Variants in LAMA2 observed in about 807,000 individuals in gnomAD.
LAMA2 encodes the protein laminin subunit alpha 2.
A neutral mutation model predicts 364.8 loss-of-function variants in LAMA2; 269 were observed. The observed-to-expected ratio is 0.74, with a 90% CI of 0.67 to 0.82. The LOEUF is 0.82. Among genes scored for constraint, LAMA2 ranks in the 40% least tolerant of loss-of-function variants. The pLI, the probability that LAMA2 is intolerant of heterozygous loss-of-function variation, is 0.00. For missense variants in LAMA2, 3,807 were observed against 3,873.2 expected, an observed-to-expected ratio of 0.98 and a Z score of 0.45; for synonymous variants, 1,379 against 1,370.6, an observed-to-expected ratio of 1.01 and a Z score of -0.14.
At chr6:129,127,174 A>G (rs898617084) in intron 4 of LAMA2, among the ~76,000 whole-genome samples, 4 of 152,208 alleles carry the variant, frequency 2.6e-5, no homozygotes, top group Non-Finnish European at 5.9e-5. Context: ...CTGTGCACTA[A>G]AAGTAAAAAA....
intron 48 of LAMA2, among the ~76,000 whole-genome samples, chr6:129,459,627 C>A (rs947292250): frequency 6.6e-6 from 1 of 152,026 alleles, no homozygotes; most frequent in Non-Finnish European, 1.5e-5. Flanking sequence ...AAATTTACAG[C>A]AGCACTACCA....
intron 8 of LAMA2, among the ~76,000 whole-genome samples, chr6:129,161,364 A>G (rs1433769378): frequency 6.6e-6 from 1 of 152,148 alleles, no homozygotes. Flanking sequence ...TAAATTTAAT[A>G]TAGTTAATAA....
At chr6:129,151,648 G>A (rs983850509) in intron 7 of LAMA2, among the ~76,000 whole-genome samples, 3 of 152,212 alleles carry the variant, frequency 2.0e-5, no homozygotes, top group Non-Finnish European at 1.5e-5. Context: ...GATCAAAGGG[G>A]AAGAGGGAGC....
At chr6:129,381,336 T>TTTTTTC (rs1554284414) in intron 34 of LAMA2, among the ~76,000 whole-genome samples, 2 of 151,750 alleles carry the variant, frequency 1.3e-5, no homozygotes, top group Non-Finnish European at 2.9e-5. Context: ...AACATCTTTT[T>TTTTTTC]TTTTCTTTTC....
At chr6:129,074,045 AG>A (rs1269463892) in intron 3 of LAMA2, among the ~76,000 whole-genome samples, 1 of 152,136 alleles carries the variant, frequency 6.6e-6, no homozygotes, top group Non-Finnish European at 1.5e-5. Flanking sequence ...TAGCTTAGTT[AG>A]AGATTCTGAT....
In LAMA2 at chr6:129,315,548, A is replaced by G. The variant is rs147291222; in HGVS notation, c.3628A>G (p.Ile1210Val). 174 of 1,614,204 alleles carry G rather than the reference A, an allele frequency of 1.1e-4. No homozygotes were observed. The highest frequency in any genetic ancestry group is 4.9e-4 in the Middle Eastern group (3 of 6,062). The change falls in exon 25 of 65, where the codon ATT (isoleucine) becomes GTT (valine). Residue 1210 changes from isoleucine (I) to valine (V), a missense_variant. By Grantham distance (29) the Ile-to-Val change is conservative. Transcript: ENST00000421865. Reference protein sequence around the residue: ...EALQHTTTKGIVFQHPEIVAH... With the variant: ...EALQHTTTKGVVFQHPEIVAH... ...TCTGCAGCACACGACCACCAAGGGC[A>G]TTGTTTTTCAACATCCAGAGATTGT...
In LAMA2 at chr6:129,388,088, TCTCTACTAAA is replaced by T. The variant is rs1278641866; in HGVS notation, c.5072-3402_5072-3393del. 2.9e-3 allele frequency among the ~76,000 whole-genome samples: 434 copies of T among 152,032 alleles called. 3 individuals are homozygous for T. Among genetic ancestry groups the T allele is most frequent in the African/African-American group, 0.01 (427 of 41,460 alleles). Reference sequence around the variant, plus strand: ...GCCTGGCCAACATGGCAAAACCCCATCTCTACTAAAAATACAAAAATCAGCTGGGCACGGT... The same window carrying T: ...GCCTGGCCAACATGGCAAAACCCCATAATACAAAAATCAGCTGGGCACGGT... On this transcript the variant is annotated intron_variant, in intron 35 of 64. Coordinates refer to ENST00000421865, the MANE Select transcript of LAMA2 (RefSeq NM_000426.4).
At chr6:129,099,134 T>TTC (rs914877569) in intron 4 of LAMA2, among the ~76,000 whole-genome samples, 15 of 149,882 alleles carry the variant, frequency 1.0e-4, no homozygotes, top group African/African-American at 3.7e-4. Flanking sequence ...TGTTTTTTTT[T>TTC]TTTTTGTTTT....
chr6:129,023,656 T>G (rs1785599400), intron 1 of LAMA2, among the ~76,000 whole-genome samples: 1 of 152,206 alleles, frequency 6.6e-6, no homozygotes, highest in Admixed American at 6.5e-5. Context: ...AAATTGATTT[T>G]CTTTCTCTAT....
intron 9 of LAMA2, among the ~76,000 whole-genome samples, chr6:129,167,914 GTGA>G (rs1199980659): frequency 2.0e-5 from 3 of 150,530 alleles, no homozygotes; most frequent in Non-Finnish European, 4.4e-5. Flanking sequence ...CTGATGGCCA[GTGA>G]TGATGAGCAT....
intron 1 of LAMA2, among the ~76,000 whole-genome samples, chr6:129,030,150 C>T (rs1422582039): frequency 1.3e-5 from 2 of 152,076 alleles, no homozygotes; most frequent in Non-Finnish European, 2.9e-5. Context: ...ACCCTCTGGG[C>T]GTGGCCTCTA....
chr6:129,348,307 A>G (rs1441971165), intron 30 of LAMA2, among the ~76,000 whole-genome samples: 1 of 152,230 alleles, frequency 6.6e-6, no homozygotes, highest in Non-Finnish European at 1.5e-5. Flanking sequence ...ATGGCACCTG[A>G]CCAAAAGGAG....
chr6:129,035,715 G>C (rs114391289), intron 1 of LAMA2, among the ~76,000 whole-genome samples: 1 of 151,460 alleles, frequency 6.6e-6, no homozygotes, highest in African/African-American at 2.4e-5. Context: ...TCATTCTTCC[G>C]CTAGCCAGTT....
intron 4 of LAMA2, among the ~76,000 whole-genome samples, chr6:129,120,745 G>A (rs186697679): frequency 1.5e-3 from 234 of 152,256 alleles, no homozygotes; most frequent in South Asian, 6.4e-3. Flanking sequence ...CATTGGGTTA[G>A]GAAATCTTCA....
At chr6:129,037,220 A>G (rs1171937389) in intron 1 of LAMA2, among the ~76,000 whole-genome samples, 1 of 152,208 alleles carries the variant, frequency 6.6e-6, no homozygotes, top group Non-Finnish European at 1.5e-5. Flanking sequence ...TCATTCAAAC[A>G]CAAATTTTGA....
At chr6:128,989,280 A>T (rs768800565) in intron 1 of LAMA2, among the ~76,000 whole-genome samples, 1 of 152,238 alleles carries the variant, frequency 6.6e-6, no homozygotes, top group Non-Finnish European at 1.5e-5. Context: ...AGAATAATGT[A>T]GAGAAGTTAA....
intron 12 of LAMA2, among the ~76,000 whole-genome samples, chr6:129,200,112 G>GTATATATATGTGTA (rs1554241195): frequency 1.6e-5 from 2 of 123,618 alleles, no homozygotes; most frequent in African/African-American, 6.3e-5. Flanking sequence ...ATGTGTACAC[G>GTATATATATGTGTA]TATATATATG....
At chr6:129,182,828 TATAAA>T (rs1207977135) in intron 10 of LAMA2, among the ~76,000 whole-genome samples, 1 of 151,786 alleles carries the variant, frequency 6.6e-6, no homozygotes, top group Non-Finnish European at 1.5e-5. Context: ...CTGAGGCAAA[TATAAA>T]ATATAAATAT....
At chr6:129,047,300 A>G (rs1445063907) in intron 1 of LAMA2, among the ~76,000 whole-genome samples, 2 of 152,236 alleles carry the variant, frequency 1.3e-5, no homozygotes, top group Non-Finnish European at 2.9e-5. Flanking sequence ...TTCTCTAACC[A>G]ACAATTACAT....
Sources: allele counts gnomAD v4.1 joint callset (sites outside exome capture counted in the v4.1 genomes callset), GRCh38; gene constraint gnomAD v4.1.1; transcripts MANE v1.5; gene names NCBI Gene and HGNC (gene_info 2026-07-23, HGNC 2026-07-21).